Variants in COLEC10 observed in about 807,000 individuals in gnomAD.
The protein encoded by COLEC10 is collectin subfamily member 10, also known as collectin-10.
A neutral mutation model predicts 28.4 loss-of-function variants in COLEC10; 22 were observed. That is an observed-to-expected ratio of 0.78 (90% CI 0.55 to 1.11). The LOEUF (loss-of-function observed/expected upper bound fraction) is 1.11, where lower values mean the gene tolerates loss of function less well. Among genes scored for constraint, COLEC10 ranks in the 50% least tolerant of loss-of-function variants. The pLI is 0.00. For missense variants in COLEC10, 361 were observed against 344.1 expected (o/e 1.05, Z -0.39); for synonymous variants, 125 against 116.1 (o/e 1.08, Z -0.49).
chr8:119,069,133 T>C (rs949873674), intron 1 of COLEC10, among the ~76,000 whole-genome samples: 2 of 152,134 alleles, frequency 1.3e-5, no homozygotes, highest in Non-Finnish European at 2.9e-5. Flanking sequence ...CTTTGTATTC[T>C]ATTACAAACT....
intron 2 of COLEC10, among the ~76,000 whole-genome samples, chr8:119,045,597 G>C (rs1284173858): frequency 3.3e-5 from 5 of 152,170 alleles, no homozygotes; most frequent in Non-Finnish European, 7.3e-5. Flanking sequence ...TCTAGGGAAG[G>C]TTGATTGTAT....
intron 1 of COLEC10, among the ~76,000 whole-genome samples, chr8:119,086,833 T>C (rs2450060): frequency 0.69 from 105,421 of 152,088 alleles, 37,024 homozygotes; most frequent in African/African-American, 0.79. Context: ...ATCATTAGTC[T>C]CATTGTACAG....
At chr8:118,983,732 A>C in the COLEC10 span, among the ~76,000 whole-genome samples, 3 of 152,186 alleles carry the variant, frequency 2.0e-5, no homozygotes, top group African/African-American at 7.2e-5. Context: ...CATATGAAAA[A>C]ATGCTCAACA....
At chr8:118,980,146 C>T in the COLEC10 span, among the ~76,000 whole-genome samples, 1 of 151,562 alleles carries the variant, frequency 6.6e-6, no homozygotes, top group Non-Finnish European at 1.5e-5. Context: ...TACTCAAAGG[C>T]ATGAACACCA....
intron 2 of COLEC10, among the ~76,000 whole-genome samples, chr8:119,035,154 T>C (rs1379127582): frequency 1.3e-5 from 2 of 152,210 alleles, no homozygotes; most frequent in East Asian, 3.9e-4. Context: ...AAATAATTAA[T>C]GCAATATGTT....
At chr8:119,008,386 A>G (rs1222471914) in intron 1 of COLEC10, among the ~76,000 whole-genome samples, 1 of 150,942 alleles carries the variant, frequency 6.6e-6, no homozygotes, top group Admixed American at 6.6e-5. Flanking sequence ...TGTGATTCCC[A>G]TGAAAATAAG....
intron 1 of COLEC10, among the ~76,000 whole-genome samples, chr8:119,089,303 G>C (rs1332177305): frequency 2.0e-5 from 3 of 152,020 alleles, no homozygotes; most frequent in Admixed American, 6.6e-5. Context: ...CAGTCAGAGA[G>C]TAATAAGTTA....
intron 2 of COLEC10, among the ~76,000 whole-genome samples, chr8:119,022,966 A>T (rs913206938): frequency 3.3e-5 from 5 of 151,958 alleles, no homozygotes; most frequent in African/African-American, 4.8e-5. Flanking sequence ...TACTCAACAA[A>T]CACCTCCTGT....
At chr8:118,964,093 G>A in the COLEC10 span, among the ~76,000 whole-genome samples, 7 of 152,126 alleles carry the variant, frequency 4.6e-5, no homozygotes, top group Non-Finnish European at 1.0e-4. Flanking sequence ...AAAAGTCAGG[G>A]AGGACCTCTT....
chr8:118,979,029 C>A, the COLEC10 span, among the ~76,000 whole-genome samples: 1 of 151,846 alleles, frequency 6.6e-6, no homozygotes, highest in Non-Finnish European at 1.5e-5. Context: ...AGTTTTCATG[C>A]CTTTGTTAAA....
the COLEC10 span, among the ~76,000 whole-genome samples, chr8:118,979,255 A>T: frequency 2.6e-5 from 4 of 152,012 alleles, no homozygotes; most frequent in South Asian, 4.1e-4. Flanking sequence ...ACCACTTAGA[A>T]CTGTCACTTT....
In COLEC10 at chr8:119,099,841, A is replaced by G. The variant is rs1216258030; in HGVS notation, c.293-2507A>G. On this transcript the variant is annotated intron_variant, in intron 3 of 5. Coordinates refer to ENST00000332843, the MANE Select transcript of COLEC10 (RefSeq NM_006438.5). ...ATTTGCTTCCCTCTGTTAGTACATG[A>G]TAGTATCTCATCTCTTTGTTCTCTT... Among the ~76,000 whole-genome samples the G allele has an allele frequency of 4.6e-5, 7 of 152,062 alleles. No homozygotes were observed. In the East Asian group the frequency reaches 1.4e-3, roughly 29 times the overall value.
chr8:119,089,997 G>A (rs1349783236), intron 2 of COLEC10, among the ~76,000 whole-genome samples: 1 of 152,174 alleles, frequency 6.6e-6, no homozygotes, highest in African/African-American at 2.4e-5. Context: ...GGGAGCCCCA[G>A]GGAAAAGCAC....
intron 2 of COLEC10, among the ~76,000 whole-genome samples, chr8:119,038,210 T>G (rs1814425840): frequency 6.6e-6 from 1 of 152,242 alleles, no homozygotes; most frequent in African/African-American, 2.4e-5. Context: ...ATCACAGCTT[T>G]GCCGTTTCTA....
rs867463837 is a variant in COLEC10, at chr8:119,069,645, T to A, written c.148+2216T>A. Among the ~76,000 whole-genome samples, 345 of 90,694 alleles carry A rather than the reference T, an allele frequency of 3.8e-3. 1 individual carries two copies. The highest frequency in any genetic ancestry group is 0.013 in the African/African-American group (273 of 21,302). The allele number at this position is 90,694 out of a possible 152,430, so 59.5% of individuals were successfully genotyped here. A position where few individuals can be genotyped will look rare whatever the true frequency, so the allele number is the denominator to read the frequency against. ...AAAAAAAAAAATATATATATATATA[T>A]ATATATATATATATATGTAAACTGC... On this transcript the variant is annotated intron_variant, in intron 1 of 5. Coordinates refer to ENST00000332843, the MANE Select transcript of COLEC10 (RefSeq NM_006438.5).
intron 2 of COLEC10, among the ~76,000 whole-genome samples, chr8:119,090,742 A>G (rs970765796): frequency 3.9e-5 from 6 of 152,192 alleles, no homozygotes; most frequent in African/African-American, 9.6e-5. Flanking sequence ...TTTAAGTGGC[A>G]CAATTGTTAA....
intron 2 of COLEC10, among the ~76,000 whole-genome samples, chr8:119,017,209 G>T (rs1047213010): frequency 6.6e-6 from 1 of 152,182 alleles, no homozygotes; most frequent in Non-Finnish European, 1.5e-5. Context: ...GGGATTAGTA[G>T]ATTCGATATC....
chr8:119,033,576 G>A (rs1284457266), intron 2 of COLEC10, among the ~76,000 whole-genome samples: 2 of 152,036 alleles, frequency 1.3e-5, no homozygotes, highest in African/African-American at 4.8e-5. Flanking sequence ...CAAAAAGTGG[G>A]CCAAGGTTAT....
chr8:119,026,517 A>T (rs576347935), intron 2 of COLEC10, among the ~76,000 whole-genome samples: 1 of 152,190 alleles, frequency 6.6e-6, no homozygotes, highest in Admixed American at 6.5e-5. Context: ...GCAGAGCAAG[A>T]TCCTATCTCA....
Sources: allele counts gnomAD v4.1 joint callset (sites outside exome capture counted in the v4.1 genomes callset), GRCh38; gene constraint gnomAD v4.1.1; transcripts MANE v1.5; gene names NCBI Gene and HGNC (gene_info 2026-07-23, HGNC 2026-07-21).